CORO2B: variants seen among roughly 807,000 people sequenced by gnomAD.
CORO2B encodes the protein coronin 2B.
In CORO2B, 26 loss-of-function variants were observed where a neutral mutation model predicts 58.8. That is an observed-to-expected ratio of 0.44 (90% confidence interval 0.32 to 0.61). CORO2B has a LOEUF of 0.61. Ranked by LOEUF, CORO2B falls within the 20% of genes least tolerant of loss-of-function variation. The probability of loss-of-function intolerance (pLI) is 0.04; values close to 1 mark genes in which losing one functional copy is unlikely to be tolerated. For missense variants in CORO2B, 460 were observed against 645.1 expected, an observed-to-expected ratio of 0.71 and a Z score of 3.11; for synonymous variants, 242 against 253.8, an observed-to-expected ratio of 0.95 and a Z score of 0.44.
At chr15:68,650,045 A>C (rs1249440951) in intron 2 of CORO2B, among the ~76,000 whole-genome samples, 1 of 152,226 alleles carries the variant, frequency 6.6e-6, no homozygotes, top group Non-Finnish European at 1.5e-5. Context: ...AAAACTATTT[A>C]TATGATACAC....
chr15:68,721,125 A>T (rs1596040293), intron 11 of CORO2B, among the ~76,000 whole-genome samples: 1 of 151,872 alleles, frequency 6.6e-6, no homozygotes, highest in African/African-American at 2.4e-5. Flanking sequence ...TAGGTGATCC[A>T]CCTGCCTCGG....
the CORO2B span, among the ~76,000 whole-genome samples, chr15:68,570,349 A>G: frequency 2.0e-5 from 3 of 152,256 alleles, no homozygotes; most frequent in Non-Finnish European, 4.4e-5. Flanking sequence ...ATCTATCTGC[A>G]TAAGGACTAT....
chr15:68,540,220 T>G, the CORO2B span, among the ~76,000 whole-genome samples: 1 of 152,258 alleles, frequency 6.6e-6, no homozygotes, highest in African/African-American at 2.4e-5. Flanking sequence ...ATTAGTTCAC[T>G]GAATTATGTA....
chr15:68,577,781 T>C (rs1180209318), upstream of CORO2B, among the ~76,000 whole-genome samples: 4 of 150,700 alleles, frequency 2.7e-5, no homozygotes, highest in Non-Finnish European at 4.4e-5. Context: ...TCCTGGAGGC[T>C]GGTTACTCTA....
At chr15:68,602,414 C>CACACAA (rs1900007548) in intron 1 of CORO2B, among the ~76,000 whole-genome samples, 1 of 144,208 alleles carries the variant, frequency 6.9e-6, no homozygotes, top group African/African-American at 2.8e-5. Context: ...TGATCACACA[C>CACACAA]ACACACACAC....
intron 1 of CORO2B, among the ~76,000 whole-genome samples, chr15:68,616,789 A>C (rs1900371733): frequency 6.6e-6 from 1 of 152,218 alleles, no homozygotes. Context: ...AGAGGATGGC[A>C]CAGTGTGCCA....
intron 1 of CORO2B, among the ~76,000 whole-genome samples, chr15:68,614,371 C>T (rs1466998056): frequency 6.6e-6 from 1 of 152,170 alleles, no homozygotes; most frequent in Non-Finnish European, 1.5e-5. Flanking sequence ...TACGAAGTAC[C>T]TGGGAGGTGA....
intron 2 of CORO2B, among the ~76,000 whole-genome samples, chr15:68,688,135 T>C (rs530336038): frequency 6.6e-6 from 1 of 152,376 alleles, no homozygotes; most frequent in South Asian, 2.1e-4. Flanking sequence ...CTTCAAGAAC[T>C]GTTTGCTTGA....
At chr15:68,606,538 C>T (rs1900128941) in intron 1 of CORO2B, among the ~76,000 whole-genome samples, 1 of 152,166 alleles carries the variant, frequency 6.6e-6, no homozygotes, top group South Asian at 2.1e-4. Context: ...TGGTCAGGCG[C>T]TTTCCTTAAA....
chr15:68,573,202 G>A, the CORO2B span, among the ~76,000 whole-genome samples: 1 of 152,078 alleles, frequency 6.6e-6, no homozygotes, highest in Non-Finnish European at 1.5e-5. Context: ...CCAACCCCCA[G>A]CATCCCCCAT....
chr15:68,596,790 A>G (rs1396852639), intron 1 of CORO2B, among the ~76,000 whole-genome samples: 1 of 152,146 alleles, frequency 6.6e-6, no homozygotes, highest in Non-Finnish European at 1.5e-5. Context: ...AGCTCCTGGG[A>G]GAAGATCCAG....
chr15:68,533,265 T>C, the CORO2B span, among the ~76,000 whole-genome samples: 20 of 152,318 alleles, frequency 1.3e-4, no homozygotes, highest in Non-Finnish European at 2.6e-4. Context: ...TTTCAATCTG[T>C]TTGCTAGTTT....
chr15:68,561,178 G>T, the CORO2B span, among the ~76,000 whole-genome samples: 1 of 152,212 alleles, frequency 6.6e-6, no homozygotes, highest in African/African-American at 2.4e-5. Flanking sequence ...GAATCTGTCA[G>T]GCCTGAGGGT....
chr15:68,694,340 A>G (rs1892458514), intron 2 of CORO2B, among the ~76,000 whole-genome samples: 1 of 152,218 alleles, frequency 6.6e-6, no homozygotes, highest in Non-Finnish European at 1.5e-5. Flanking sequence ...AATCTTCACA[A>G]CAATGCTAAA....
chr15:68,634,818 C>T (rs778287774), intron 1 of CORO2B, among the ~76,000 whole-genome samples: 2 of 152,186 alleles, frequency 1.3e-5, no homozygotes, highest in Non-Finnish European at 2.9e-5. Context: ...GGACCACCAC[C>T]GTGTTCAACC....
chr15:68,689,681 G>T (rs934846180), intron 2 of CORO2B, among the ~76,000 whole-genome samples: 1 of 152,212 alleles, frequency 6.6e-6, no homozygotes, highest in Non-Finnish European at 1.5e-5. Context: ...TACAGAAACA[G>T]TAACTTGTAC....
intron 1 of CORO2B, among the ~76,000 whole-genome samples, chr15:68,604,310 C>T (rs2140241166): frequency 6.6e-6 from 1 of 152,208 alleles, no homozygotes; most frequent in East Asian, 1.9e-4. Context: ...TGGTTCCATT[C>T]TTCATGGTCA....
chr15:68,715,542 T>C (rs745363992), intron 8 of CORO2B, among the ~76,000 whole-genome samples: 1 of 152,240 alleles, frequency 6.6e-6, no homozygotes, highest in Non-Finnish European at 1.5e-5. Context: ...CTTGCCAGCA[T>C]GTGCTCTGCG....
intron 8 of CORO2B, among the ~76,000 whole-genome samples, chr15:68,715,587 C>T (rs1229524598): frequency 6.6e-6 from 1 of 152,204 alleles, no homozygotes; most frequent in African/African-American, 2.4e-5. Context: ...GAGCCTGAAG[C>T]CCACAGTGGC....
Sources: gnomAD v4.1 joint callset for allele counts (sites outside exome capture counted in the v4.1 genomes callset) on GRCh38, gnomAD v4.1.1 for gene constraint, MANE v1.5 for transcripts, NCBI Gene and HGNC (gene_info 2026-07-23, HGNC 2026-07-21) for gene names.